ZNF367: variants seen among roughly 807,000 people sequenced by gnomAD.
ZNF367 encodes the protein zinc finger protein 367, also known as C2H2 zinc finger protein ZFF29.
Under a neutral mutation model 31.8 loss-of-function variants are expected in ZNF367, and 11 were observed. That is an observed-to-expected ratio of 0.35 (90% CI 0.22 to 0.57). ZNF367 has a LOEUF of 0.57. Ranked by LOEUF, ZNF367 falls within the 20% of genes least tolerant of loss-of-function variation. The pLI is 0.85. For missense variants in ZNF367, 353 were observed against 484.1 expected (o/e 0.73, Z 2.54); for synonymous variants, 199 against 202.4 (o/e 0.98, Z 0.14).
rs201934182 is a variant in ZNF367 at position 96,392,418 on chromosome 9, G to C, written c.810C>G (p.Ala270=). The change falls in exon 4 of 5, where the codon GCC becomes GCG. Residue 270 remains alanine, a synonymous_variant. Coordinates refer to ENST00000375256, the MANE Select transcript of ZNF367 (RefSeq NM_153695.4). ...LSKHQAADNK[A]AAEWLARYWE... is the part of the protein sequence containing the mutation. The stretch of plus-strand genomic sequence containing the variant: ...CTGACCTCGCCAGCCACTCGGCCGC[G>C]GCCTTGTTGTCGGCAGCCTGATGTT... 2 of 1,614,190 alleles carry C rather than the reference G, an allele frequency of 1.2e-6. No individual in the cohort carries two copies. The highest frequency in any genetic ancestry group is 1.7e-6 in the Non-Finnish European group (2 of 1,180,038).
chr9:96,398,855 G>A (rs1054575759), intron 1 of ZNF367, among the ~76,000 whole-genome samples: 2 of 152,158 alleles, frequency 1.3e-5, no homozygotes, highest in Non-Finnish European at 1.5e-5. Context: ...AAAGAATTGC[G>A]TTTGCCTGTT....
At chr9:96,410,561 C>CAAAAAAAA (rs35609930) in intron 1 of ZNF367, among the ~76,000 whole-genome samples, 1 of 69,626 alleles carries the variant, frequency 1.4e-5, no homozygotes, top group African/African-American at 4.7e-5. Context: ...GACTCCGTCT[C>CAAAAAAAA]AAAAAAAAAA....
rs368098836 is a variant in ZNF367, at chr9:96,398,273, G to A, written c.462C>T (p.Arg154=). The change falls in exon 2 of 5, where the codon CGC becomes CGT. Residue 154 remains arginine, a synonymous_variant. Coordinates refer to ENST00000375256, the MANE Select transcript of ZNF367 (RefSeq NM_153695.4). ...AATGCTCTCCTTCATTTATTAAATC[G>A]CGGACAGTATCTGCTCTGGGCCTAC... The part of the protein sequence containing the change: ...RRGRPRADTV[R]DLINEGEHSS... 68 of 1,613,510 alleles carry A rather than the reference G, an allele frequency of 4.2e-5. No homozygotes were observed. The highest frequency in any genetic ancestry group is 2.2e-4 in the Admixed American group (13 of 59,966).
intron 2 of ZNF367, among the ~76,000 whole-genome samples, chr9:96,397,018 G>T (rs1364889771): frequency 6.6e-6 from 1 of 152,116 alleles, no homozygotes; most frequent in Non-Finnish European, 1.5e-5. Flanking sequence ...ATCTAAAAGT[G>T]TCATTTCAAT....
At chr9:96,408,592 G>T (rs1831701602) in intron 1 of ZNF367, among the ~76,000 whole-genome samples, 1 of 152,192 alleles carries the variant, frequency 6.6e-6, no homozygotes, top group Non-Finnish European at 1.5e-5. Flanking sequence ...TTAGAAGAGT[G>T]GTGGTGGCCA....
chr9:96,395,152 C>A (rs900904444), intron 2 of ZNF367, among the ~76,000 whole-genome samples: 1 of 152,070 alleles, frequency 6.6e-6, no homozygotes, highest in Non-Finnish European at 1.5e-5. Context: ...ATTCTTTAGG[C>A]CTTGAGGTTA....
Position 96,392,551 on chromosome 9 carries a change from G to A in ZNF367, c.692-15C>T. 1 of 1,586,072 alleles carries A rather than the reference G, an allele frequency of 6.3e-7. No homozygotes were observed. The highest frequency in any genetic ancestry group is 1.1e-5 in the South Asian group (1 of 89,582). On this transcript the variant is annotated splice_polypyrimidine_tract_variant and intron_variant, in intron 3 of 4. Coordinates refer to ENST00000375256, the MANE Select transcript of ZNF367 (RefSeq NM_153695.4). ...GCTCAGGCAGCCTTCAAAACACAAGGTTAACACCTGTCAGGATCTGGACAT... is the reference window on the plus strand; with the variant it reads ...GCTCAGGCAGCCTTCAAAACACAAGATTAACACCTGTCAGGATCTGGACAT...
Position 96,398,079 on chromosome 9 carries a change from G to C in ZNF367, c.571+85C>G. 4.0e-6 allele frequency: 5 copies of C among 1,255,778 alleles called. No individual in the cohort carries two copies. The East Asian group carries it at 1.3e-4, about 32-fold the overall frequency. 77.8% of individuals were successfully genotyped at this position (1,255,778 alleles called of 1,614,324 possible). A position where few individuals can be genotyped will look rare whatever the true frequency, so the allele number is the denominator to read the frequency against. ...CACTCCAGCCTGGGCAACAGAGCGA[G>C]ACTATCTCAAAAAAAAAAAAAAAAA... On this transcript the variant is annotated intron_variant, in intron 2 of 4. Coordinates refer to ENST00000375256, the MANE Select transcript of ZNF367 (RefSeq NM_153695.4).
At position 96,388,458 on chromosome 9, in the gene ZNF367, A is replaced by G. The variant is rs1321383531; in HGVS notation, c.832T>C (p.Tyr278His). The G allele has an allele frequency of 4.4e-6, 7 of 1,605,506 alleles. No individual in the cohort carries two copies. Among genetic ancestry groups the G allele is most frequent in the Non-Finnish European group, 5.9e-6 (7 of 1,177,566 alleles). ...GTGCGCTGCTCTCTCATTTCCCAAT[A>G]CCTATGTGAAATGCAGCAACATTAG... ...NKAAAEWLAR[Y>H]WEMREQRTPT... Residue 278 changes from tyrosine to histidine, a missense_variant and splice_region_variant, in exon 5 of 5, where the codon TAT becomes CAT. By Grantham distance (83) the Tyr-to-His change is moderately conservative. This residue lies in a region of ZNF367 where 101 missense variants were observed against 140.0 expected (regional missense o/e 0.72). Transcript: ENST00000375256.
At chr9:96,404,225 C>T (rs948849705) in intron 1 of ZNF367, among the ~76,000 whole-genome samples, 39 of 152,072 alleles carry the variant, frequency 2.6e-4, no homozygotes, top group Non-Finnish European at 4.7e-4. Flanking sequence ...CTTTGGGAGG[C>T]CGAGGCGGGC....
intron 1 of ZNF367, among the ~76,000 whole-genome samples, chr9:96,406,927 G>A (rs1157363164): frequency 3.4e-5 from 5 of 148,112 alleles, no homozygotes; most frequent in Admixed American, 6.8e-5. Flanking sequence ...GCGTGAACCC[G>A]GGAGGCAGAG....
intron 1 of ZNF367, among the ~76,000 whole-genome samples, chr9:96,410,819 A>G (rs1388048368): frequency 6.6e-6 from 1 of 152,062 alleles, no homozygotes; most frequent in Non-Finnish European, 1.5e-5. Flanking sequence ...CAGAGGTTGC[A>G]GTAACCCGAG....
In ZNF367 at chr9:96,417,914, A is replaced by G. The variant is rs1487269028; in HGVS notation, c.119T>C (p.Ile40Thr). The stretch of plus-strand genomic sequence containing the variant: ...CCCTCCACCGCCGCACGTTGGCTTG[A>G]TCGGGGTCGTCCTGATGACCGACAC... ...VLVSVIRTTP[I>T]KPTCGGGGEP... is the part of the protein sequence containing the mutation. Residue 40 changes from isoleucine to threonine, a missense_variant, in exon 1 of 5, where the codon ATC (isoleucine) becomes ACC (threonine). Transcript: ENST00000375256. The surrounding 1 kb of genome is among the most constrained non-coding windows in gnomAD (Gnocchi z 5.0). The G allele has an allele frequency of 6.6e-7, 1 of 1,526,168 alleles. No homozygotes were observed. The highest frequency in any genetic ancestry group is 2.7e-5 in the East Asian group (1 of 36,862). 94.5% of individuals were successfully genotyped at this position (1,526,168 alleles called of 1,614,324 possible).
At chr9:96,401,265 C>T (rs1831600128) in intron 1 of ZNF367, among the ~76,000 whole-genome samples, 2 of 151,888 alleles carry the variant, frequency 1.3e-5, no homozygotes, top group South Asian at 4.2e-4. Flanking sequence ...AAGGGGTCCT[C>T]GATAAGATTA....
intron 1 of ZNF367, among the ~76,000 whole-genome samples, chr9:96,412,697 C>CTTTTTTTTTTTTTTTTTTTTTT (rs71368258): frequency 7.5e-6 from 1 of 133,800 alleles, no homozygotes; most frequent in Non-Finnish European, 1.6e-5. Context: ...TTTTTCTTTT[C>CTTTTTTTTTTTTTTTTTTTTTT]TTTTTTTTTT....
chr9:96,404,207 T>C (rs1007081050), intron 1 of ZNF367, among the ~76,000 whole-genome samples: 2 of 151,814 alleles, frequency 1.3e-5, no homozygotes, highest in African/African-American at 4.8e-5. Context: ...ACGCCTGTAA[T>C]CCCAGCACTT....
chr9:96,415,370 C>T (rs1027480987), intron 1 of ZNF367, among the ~76,000 whole-genome samples: 1 of 150,114 alleles, frequency 6.7e-6, no homozygotes, highest in African/African-American at 2.5e-5. Context: ...CCGGTGGATA[C>T]CGATCCATCT....
Position 96,388,242 on chromosome 9 carries a change from G to C in ZNF367, c.1048C>G (p.Gln350Glu). 6.2e-7 allele frequency: 1 copy of C among 1,610,542 alleles called. No homozygotes were observed. Among genetic ancestry groups the C allele is most frequent in the Non-Finnish European group, 8.5e-7 (1 of 1,179,318 alleles). ...LANLTGAPLR[Q>E] ...TGGAAGAGTCAGTGTCCAAGCTACT[G>C]TCGGAGTGGCGCCCCAGTCAGGTTG... The change falls in exon 5 of 5, where the codon CAG (glutamine) becomes GAG (glutamate). Residue 350 changes from glutamine to glutamate, a missense_variant. Physicochemically the swap from Gln to Glu is conservative, Grantham distance 29. Around this residue, in one of 5 missense-constraint regions of ZNF367, gnomAD observed 101 missense variants for 140.0 expected, o/e 0.72. Coordinates refer to ENST00000375256, the MANE Select transcript of ZNF367 (RefSeq NM_153695.4).
rs905234727 is a variant in ZNF367, at chr9:96,387,251, T to A, written c.*986A>T. On this transcript the variant is annotated 3_prime_UTR_variant, in exon 5 of 5. Transcript: ENST00000375256. ...CTGAAGTAAAGCAAGAAGGTGGCTT[T>A]ATGCACTGAAAATATAAATATGGAG... 1 of 152,170 alleles carries A rather than the reference T, an allele frequency of 6.6e-6. No homozygotes were observed. The highest frequency in any genetic ancestry group is 2.4e-5 in the African/African-American group (1 of 41,462). The allele number at this position is 152,170 out of a possible 1,614,324, so 9.4% of individuals were successfully genotyped here.
Sources: allele counts gnomAD v4.1 joint callset (sites outside exome capture counted in the v4.1 genomes callset), GRCh38; gene constraint gnomAD v4.1.1; regional missense constraint gnomAD v4.1.1; non-coding constraint Gnocchi (gnomAD v3.1); transcripts MANE v1.5; gene names NCBI Gene and HGNC (gene_info 2026-07-23, HGNC 2026-07-21).